The following SLC8A3 variants were observed in gnomAD, a reference collection of about 807,000 sequenced individuals.
SLC8A3 encodes the protein solute carrier family 8 member A3.
In SLC8A3, 37 loss-of-function variants were observed where a neutral mutation model predicts 65.4. The observed-to-expected ratio is 0.57, with a 90% CI of 0.44 to 0.74. The LOEUF is 0.74. Ranked by LOEUF, SLC8A3 falls within the 30% of genes least tolerant of loss-of-function variation. SLC8A3 has a pLI of 0.00. For missense variants in SLC8A3, 1,112 were observed against 1,172.1 expected (o/e 0.95, Z 0.75); for synonymous variants, 461 against 444.5 (o/e 1.04, Z -0.47).
intron 2 of SLC8A3, among the ~76,000 whole-genome samples, chr14:70,083,998 T>G (rs1319160488): frequency 1.3e-5 from 2 of 152,218 alleles, no homozygotes; most frequent in African/African-American, 4.8e-5. Flanking sequence ...GTTTGAGTCA[T>G]GACTGACCAC....
chr14:70,138,745 G>A (rs369085559), intron 2 of SLC8A3, among the ~76,000 whole-genome samples: 2 of 152,204 alleles, frequency 1.3e-5, no homozygotes, highest in Non-Finnish European at 2.9e-5. Flanking sequence ...TTTGTGGAAC[G>A]AGTGTGTCTA....
chr14:70,126,319 T>C (rs983602936), intron 2 of SLC8A3, among the ~76,000 whole-genome samples: 1 of 152,130 alleles, frequency 6.6e-6, no homozygotes, highest in Non-Finnish European at 1.5e-5. Context: ...TTCTTAGATA[T>C]ACACAGTCAA....
intron 2 of SLC8A3, among the ~76,000 whole-genome samples, chr14:70,137,569 C>T (rs1895288186): frequency 6.6e-6 from 1 of 152,190 alleles, no homozygotes. Flanking sequence ...TGTGAAAATT[C>T]AGCACTGTGG....
chr14:70,139,457 T>C (rs1008757731), intron 2 of SLC8A3, among the ~76,000 whole-genome samples: 2 of 152,006 alleles, frequency 1.3e-5, no homozygotes, highest in African/African-American at 4.8e-5. Context: ...ATCCCAAGAG[T>C]TGGGGCCATA....
chr14:70,176,049 A>G (rs1017028361), intron 1 of SLC8A3, among the ~76,000 whole-genome samples: 1 of 152,174 alleles, frequency 6.6e-6, no homozygotes. Flanking sequence ...GTGAAACTCT[A>G]TTGATAGGAC....
chr14:70,105,049 G>A (rs1305832213), intron 2 of SLC8A3, among the ~76,000 whole-genome samples: 2 of 152,172 alleles, frequency 1.3e-5, no homozygotes, highest in African/African-American at 4.8e-5. Context: ...GTAAACCTCG[G>A]CCAGGCGCGG....
At chr14:70,163,088 C>T (rs192961169) in intron 2 of SLC8A3, among the ~76,000 whole-genome samples, 1 of 152,324 alleles carries the variant, frequency 6.6e-6, no homozygotes, top group Non-Finnish European at 1.5e-5. Flanking sequence ...TATTTAACCC[C>T]AGTGCCTAGT....
chr14:70,181,682 A>C (rs551470494), intron 1 of SLC8A3, among the ~76,000 whole-genome samples: 1 of 152,274 alleles, frequency 6.6e-6, no homozygotes, highest in African/African-American at 2.4e-5. Flanking sequence ...GGAAACTGTA[A>C]AAAGTGAGGC....
intron 1 of SLC8A3, among the ~76,000 whole-genome samples, chr14:70,169,540 A>C (rs1359935672): frequency 2.0e-5 from 3 of 152,130 alleles, no homozygotes; most frequent in African/African-American, 7.2e-5. Flanking sequence ...AGCTTCATCT[A>C]CTGGCCTCAA....
chr14:70,049,139 TAGA>T, intron 5 of SLC8A3, 97 bp from the exon 6 acceptor site: 1 of 1,213,900 alleles, frequency 8.2e-7, no homozygotes, highest in Non-Finnish European at 1.2e-6. Flanking sequence ...CATCATCCGC[TAGA>T]AGGGGACTCC....
intron 2 of SLC8A3, among the ~76,000 whole-genome samples, chr14:70,079,363 C>G (rs936031052): frequency 6.8e-6 from 1 of 148,028 alleles, no homozygotes; most frequent in Non-Finnish European, 1.5e-5. Context: ...ATCAGCCAGG[C>G]GTGGTGGTGC....
chr14:70,155,191 G>A (rs1478729041), intron 2 of SLC8A3, among the ~76,000 whole-genome samples: 3 of 152,006 alleles, frequency 2.0e-5, no homozygotes, highest in East Asian at 1.9e-4. Flanking sequence ...AAAATGCTGG[G>A]AATATAGGCG....
chr14:70,057,951 G>A (rs193102961), intron 3 of SLC8A3, among the ~76,000 whole-genome samples: 1 of 152,228 alleles, frequency 6.6e-6, no homozygotes, highest in East Asian at 1.9e-4. Context: ...CCAGGCCCAG[G>A]CCCAACAGTC....
At chr14:70,095,725 A>G (rs1428203149) in intron 2 of SLC8A3, among the ~76,000 whole-genome samples, 1 of 152,150 alleles carries the variant, frequency 6.6e-6, no homozygotes, top group Non-Finnish European at 1.5e-5. Flanking sequence ...ATCTGAAGAG[A>G]GAGGGAAATG....
intron 2 of SLC8A3, among the ~76,000 whole-genome samples, chr14:70,076,975 G>A (rs1890582930): frequency 1.3e-5 from 2 of 152,168 alleles, no homozygotes; most frequent in South Asian, 4.1e-4. Flanking sequence ...AATCTAAGAT[G>A]AGTGCAATAA....
chr14:70,148,227 A>G (rs927803834), intron 2 of SLC8A3, among the ~76,000 whole-genome samples: 5 of 152,230 alleles, frequency 3.3e-5, no homozygotes, highest in Non-Finnish European at 7.3e-5. Flanking sequence ...AAGCTAAGCT[A>G]TCACGTTCTG....
At chr14:70,091,133 T>C (rs548681527) in intron 2 of SLC8A3, among the ~76,000 whole-genome samples, 1 of 152,330 alleles carries the variant, frequency 6.6e-6, no homozygotes, top group South Asian at 2.1e-4. Context: ...CAGCAGGAGA[T>C]GCACGGCTTG....
At chr14:70,146,699 T>C (rs1895947514) in intron 2 of SLC8A3, among the ~76,000 whole-genome samples, 1 of 152,228 alleles carries the variant, frequency 6.6e-6, no homozygotes, top group Admixed American at 6.5e-5. Flanking sequence ...CCAGCTTCCA[T>C]GCTGTAAGCC....
At chr14:70,110,546 T>C (rs183496942) in intron 2 of SLC8A3, among the ~76,000 whole-genome samples, 32 of 152,306 alleles carry the variant, frequency 2.1e-4, no homozygotes, top group African/African-American at 7.2e-4. Context: ...TATTGAATAG[T>C]ACTCCATTGT....
Sources: gnomAD v4.1 joint callset for allele counts (sites outside exome capture counted in the v4.1 genomes callset) on GRCh38, gnomAD v4.1.1 for gene constraint, MANE v1.5 for transcripts, NCBI Gene and HGNC (gene_info 2026-07-23, HGNC 2026-07-21) for gene names.